The following THADA variants were observed in gnomAD, a reference collection of about 807,000 sequenced individuals.
THADA encodes the protein tRNA (32-2'-O)-methyltransferase regulator THADA.
Under a neutral mutation model 219.8 loss-of-function variants are expected in THADA, and 213 were observed. That is an observed-to-expected ratio of 0.97 (90% CI 0.87 to 1.09). The LOEUF (loss-of-function observed/expected upper bound fraction) is 1.09. Among genes scored for constraint, THADA ranks in the 50% least tolerant of loss-of-function variants. The pLI, the probability that THADA is intolerant of heterozygous loss-of-function variation, is 0.00. For missense variants in THADA, 2,956 were observed against 2,311.3 expected (o/e 1.28, Z -5.72); for synonymous variants, 1,018 against 828.9 (o/e 1.23, Z -3.92).
intron 29 of THADA, among the ~76,000 whole-genome samples, chr2:43,351,198 C>T (rs954609268): frequency 6.6e-6 from 1 of 152,200 alleles, no homozygotes; most frequent in Non-Finnish European, 1.5e-5. Flanking sequence ...GCTCTGAGGA[C>T]ATCACTCTCA....
At chr2:43,428,750 G>A (rs569258838) in intron 27 of THADA, among the ~76,000 whole-genome samples, 152 of 151,894 alleles carry the variant, frequency 1.0e-3, no homozygotes, top group African/African-American at 3.3e-3. Flanking sequence ...ATGGGCTTTC[G>A]TACAGGATCC....
chr2:43,245,493 A>C (rs1412285195), intron 36 of THADA, among the ~76,000 whole-genome samples: 1 of 152,166 alleles, frequency 6.6e-6, no homozygotes, highest in Non-Finnish European at 1.5e-5. Context: ...TTTATAAGAA[A>C]GTAAGTCTTC....
chr2:43,555,231 CAAT>C (rs1238435035), intron 17 of THADA, among the ~76,000 whole-genome samples: 1 of 150,782 alleles, frequency 6.6e-6, no homozygotes, highest in East Asian at 1.9e-4. Context: ...ACACCAGAGG[CAAT>C]ATTATTAAAA....
intron 26 of THADA, among the ~76,000 whole-genome samples, chr2:43,476,214 A>G (rs188078704): frequency 3.9e-5 from 6 of 152,202 alleles, no homozygotes; most frequent in Admixed American, 3.9e-4. Flanking sequence ...TGGAGGTGGG[A>G]ACATGGGAAC....
intron 22 of THADA, among the ~76,000 whole-genome samples, chr2:43,515,039 AAT>A (rs1195820784): frequency 9.3e-5 from 3 of 32,422 alleles, no homozygotes; most frequent in Admixed American, 5.8e-4. Flanking sequence ...AATATATATA[AAT>A]ATATATATTT....
In THADA at chr2:43,571,748, A is replaced by G; in HGVS notation, c.2023T>C (p.Ser675Pro). ...FFITYNLNSQSPGVRQQICSL... is the reference protein window; with the variant it reads ...FFITYNLNSQPPGVRQQICSL... ...CAGATCTGTTGCCGCACTCCTGGAGACTGGCTGTTAAGATTGTATGTAATA... is the reference window on the plus strand; with the variant it reads ...CAGATCTGTTGCCGCACTCCTGGAGGCTGGCTGTTAAGATTGTATGTAATA... The change falls in exon 13 of 38, where the codon TCT (serine) becomes CCT (proline). Residue 675 changes from serine (S) to proline (P), a missense_variant. Coordinates refer to ENST00000405975, the MANE Select transcript of THADA (RefSeq NM_022065.5). 6.2e-7 allele frequency: 1 copy of G among 1,613,856 alleles called. No individual in the cohort carries two copies.
intron 26 of THADA, among the ~76,000 whole-genome samples, chr2:43,477,468 T>C (rs1170993659): frequency 6.6e-6 from 1 of 152,228 alleles, no homozygotes; most frequent in East Asian, 1.9e-4. Context: ...AGAAAACTAG[T>C]ATTCGTTAAA....
At chr2:43,289,127 C>T (rs891741033) in intron 34 of THADA, among the ~76,000 whole-genome samples, 2 of 152,224 alleles carry the variant, frequency 1.3e-5, no homozygotes, top group African/African-American at 2.4e-5. Context: ...TTCACCCATG[C>T]CGTAGGATGT....
chr2:43,253,468 A>G (rs549350220), intron 36 of THADA, among the ~76,000 whole-genome samples: 1 of 152,258 alleles, frequency 6.6e-6, no homozygotes, highest in African/African-American at 2.4e-5. Context: ...ACTCTCACTC[A>G]TGACATTTTC....
intron 26 of THADA, among the ~76,000 whole-genome samples, chr2:43,458,221 C>A (rs557023982): frequency 1.3e-5 from 2 of 152,242 alleles, no homozygotes; most frequent in South Asian, 2.1e-4. Context: ...TTATTTTATT[C>A]TAAGGACAGT....
At chr2:43,235,641 C>T (rs2104021334) in intron 36 of THADA, among the ~76,000 whole-genome samples, 1 of 152,136 alleles carries the variant, frequency 6.6e-6, no homozygotes, top group East Asian at 1.9e-4. Context: ...GAAAGCCCAA[C>T]AGGGAAGAAA....
At chr2:43,439,175 C>T (rs1026775034) in intron 26 of THADA, among the ~76,000 whole-genome samples, 5 of 151,758 alleles carry the variant, frequency 3.3e-5, no homozygotes, top group Non-Finnish European at 7.4e-5. Context: ...AAACATGGTT[C>T]GAAAATATTA....
At chr2:43,240,472 C>T (rs1383057844) in intron 36 of THADA, among the ~76,000 whole-genome samples, 1 of 152,152 alleles carries the variant, frequency 6.6e-6, no homozygotes, top group Non-Finnish European at 1.5e-5. Flanking sequence ...CTGACTCTGC[C>T]AGTCAACATT....
At chr2:43,312,379 G>A (rs2104441357) in intron 31 of THADA, among the ~76,000 whole-genome samples, 1 of 152,212 alleles carries the variant, frequency 6.6e-6, no homozygotes, top group South Asian at 2.1e-4. Context: ...GAAATGGACG[G>A]TGAATAAGGA....
intron 26 of THADA, among the ~76,000 whole-genome samples, chr2:43,443,783 C>A (rs930855012): frequency 1.3e-5 from 2 of 152,174 alleles, no homozygotes; most frequent in African/African-American, 4.8e-5. Flanking sequence ...CCCTCTCCCA[C>A]CAGGTAAGGA....
intron 26 of THADA, among the ~76,000 whole-genome samples, chr2:43,448,470 T>C (rs1227986719): frequency 6.6e-6 from 1 of 152,054 alleles, no homozygotes; most frequent in African/African-American, 2.4e-5. Context: ...GCAGCCATTG[T>C]TGCAACCCTC....
At chr2:43,438,817 A>C (rs907413255) in intron 26 of THADA, among the ~76,000 whole-genome samples, 8 of 152,198 alleles carry the variant, frequency 5.3e-5, no homozygotes, top group Non-Finnish European at 1.2e-4. Context: ...GCTGTGATAA[A>C]GTTTAATTTA....
chr2:43,300,053 T>C (rs1473779103), intron 31 of THADA, among the ~76,000 whole-genome samples: 1 of 148,656 alleles, frequency 6.7e-6, no homozygotes, highest in Non-Finnish European at 1.5e-5. Context: ...AAAAAAAAGC[T>C]GACATTTGTT....
chr2:43,424,355 G>C (rs1449465960), intron 28 of THADA, among the ~76,000 whole-genome samples: 2 of 152,114 alleles, frequency 1.3e-5, no homozygotes, highest in Non-Finnish European at 2.9e-5. Context: ...CCCACAAACT[G>C]AAATTTTTTT....
Sources: allele counts gnomAD v4.1 joint callset (sites outside exome capture counted in the v4.1 genomes callset), GRCh38; gene constraint gnomAD v4.1.1; transcripts MANE v1.5; gene names NCBI Gene and HGNC (gene_info 2026-07-23, HGNC 2026-07-21).